ITPR2: variants seen among roughly 807,000 people sequenced by gnomAD.
ITPR2 encodes inositol 1,4,5-trisphosphate-gated calcium channel ITPR2.
ITPR2 carries 207 observed loss-of-function variants against 317.1 expected under a neutral mutation model. That is an observed-to-expected ratio of 0.65 (90% CI 0.58 to 0.73). The LOEUF (loss-of-function observed/expected upper bound fraction) is 0.73. Among genes scored for constraint, ITPR2 ranks in the 30% least tolerant of loss-of-function variants. ITPR2 has a pLI of 0.00. For missense variants in ITPR2, 2,613 were observed against 3,284.0 expected (o/e 0.80, Z 4.99); for synonymous variants, 1,156 against 1,149.1 (o/e 1.01, Z -0.12).
chr12:26,579,636 T>A (rs1357748837), intron 33 of ITPR2, among the ~76,000 whole-genome samples: 1 of 152,172 alleles, frequency 6.6e-6, no homozygotes, highest in Non-Finnish European at 1.5e-5. Context: ...ATTGATTAAA[T>A]TTTTAGTATT....
At chr12:26,761,565 GA>G (rs1171112635) in intron 2 of ITPR2, among the ~76,000 whole-genome samples, 4 of 152,232 alleles carry the variant, frequency 2.6e-5, no homozygotes, top group Admixed American at 2.6e-4. Context: ...AAGTGGAGGT[GA>G]GAGAATCGCT....
chr12:26,641,320 A>G (rs1471662), intron 21 of ITPR2, among the ~76,000 whole-genome samples: 127,912 of 152,078 alleles, frequency 0.84, 54,042 homozygotes, highest in East Asian at 0.97. Context: ...TATGTACTAC[A>G]TTGTGCTGAA....
intron 34 of ITPR2, among the ~76,000 whole-genome samples, chr12:26,573,839 G>A (rs1251709548): frequency 6.6e-6 from 1 of 152,188 alleles, no homozygotes; most frequent in Non-Finnish European, 1.5e-5. Context: ...ATGAGGAAGG[G>A]CTTTTGTAAG....
In ITPR2 at chr12:26,654,798, G is replaced by A. The variant is rs552088338; in HGVS notation, c.2590-672C>T. 5.3e-5 allele frequency among the ~76,000 whole-genome samples: 8 copies of A among 152,254 alleles called. No individual in the cohort carries two copies. The East Asian group carries it at 1.2e-3, about 22-fold the overall frequency. On this transcript the variant is annotated intron_variant, in intron 20 of 56. Coordinates refer to ENST00000381340, the MANE Select transcript of ITPR2 (RefSeq NM_002223.4). ...AAGGCCCACATGGCAGGAAGCTGAG[G>A]TGCCAACAGCCAGCAAGGAGGTGTG...
chr12:26,354,557 G>C (rs1169318235), intron 55 of ITPR2, among the ~76,000 whole-genome samples: 1 of 152,148 alleles, frequency 6.6e-6, no homozygotes, highest in East Asian at 1.9e-4. Flanking sequence ...ACTAGTCCCT[G>C]ACATTGCCAT....
At chr12:26,372,778 A>G (rs1174881694) in intron 55 of ITPR2, among the ~76,000 whole-genome samples, 9 of 152,182 alleles carry the variant, frequency 5.9e-5, no homozygotes, top group East Asian at 5.8e-4. Context: ...AGCATTTTCA[A>G]ACTGGGTTTA....
chr12:26,731,634 G>A (rs1338580088), intron 2 of ITPR2, among the ~76,000 whole-genome samples: 2 of 151,814 alleles, frequency 1.3e-5, no homozygotes, highest in Admixed American at 6.6e-5. Context: ...CTGTCTCTAC[G>A]AAAAAATTTT....
intron 2 of ITPR2, among the ~76,000 whole-genome samples, chr12:26,775,562 T>G (rs1949945270): frequency 6.6e-6 from 1 of 152,196 alleles, no homozygotes; most frequent in South Asian, 2.1e-4. Context: ...TGGTTAATAT[T>G]AAGTGTCAAC....
intron 45 of ITPR2, among the ~76,000 whole-genome samples, chr12:26,451,217 T>C (rs189141221): frequency 1.3e-4 from 20 of 152,172 alleles, no homozygotes; most frequent in Admixed American, 1.3e-3. Flanking sequence ...GGGGTGATCA[T>C]TCCAAAGAAT....
intron 37 of ITPR2, among the ~76,000 whole-genome samples, chr12:26,521,866 C>A (rs1034647543): frequency 2.6e-5 from 4 of 152,050 alleles, no homozygotes; most frequent in African/African-American, 7.2e-5. Context: ...ATGAGCTATC[C>A]CTACATCACT....
At position 26,515,461 on chromosome 12, in the gene ITPR2, G is replaced by A. The variant is rs543603732; in HGVS notation, c.5074-20201C>T. 9.2e-5 allele frequency among the ~76,000 whole-genome samples: 14 copies of A among 152,182 alleles called. No individual in the cohort carries two copies. In the East Asian group the frequency reaches 2.3e-3, roughly 25 times the overall value. The stretch of plus-strand genomic sequence containing the variant: ...TCCTTAAGGCCCACACTGACTTCCA[G>A]CATGTGCATGGCTAATGAATTTAGT... On this transcript the variant is annotated intron_variant, in intron 37 of 56. Transcript: ENST00000381340.
intron 28 of ITPR2, 33 bp from the exon 29 acceptor site, chr12:26,600,142 A>G (rs1449230152): frequency 2.5e-6 from 4 of 1,583,152 alleles, no homozygotes; most frequent in Admixed American, 3.4e-5. Context: ...TGATAGAAAC[A>G]AACATAGGAG....
intron 1 of ITPR2, among the ~76,000 whole-genome samples, chr12:26,802,174 C>T (rs975966725): frequency 6.6e-6 from 1 of 151,870 alleles, no homozygotes; most frequent in Non-Finnish European, 1.5e-5. Flanking sequence ...ATTGCATGCA[C>T]CTGTGGTCCC....
intron 1 of ITPR2, among the ~76,000 whole-genome samples, chr12:26,804,000 G>C (rs1950601406): frequency 6.6e-6 from 1 of 151,920 alleles, no homozygotes; most frequent in African/African-American, 2.4e-5. Context: ...CCCAAAATAT[G>C]TGCAACTATT....
chr12:26,429,522 A>C (rs1941150241), intron 48 of ITPR2, among the ~76,000 whole-genome samples: 1 of 152,136 alleles, frequency 6.6e-6, no homozygotes, highest in African/African-American at 2.4e-5. Context: ...GCTGACCACC[A>C]ACTGCCCTGA....
chr12:26,425,390 C>T (rs748297845), intron 49 of ITPR2, among the ~76,000 whole-genome samples: 65 of 151,906 alleles, frequency 4.3e-4, no homozygotes, highest in Admixed American at 3.3e-4. Context: ...TCTGAGCGGC[C>T]AGGCGCAGTG....
At chr12:26,439,022 C>G in intron 47 of ITPR2, 105 bp downstream of exon 47, 1 of 732,942 alleles carries the variant, frequency 1.4e-6, no homozygotes, top group Non-Finnish European at 2.3e-6. Context: ...ATCAGACCAG[C>G]AAGAAATTAA....
intron 9 of ITPR2, among the ~76,000 whole-genome samples, chr12:26,702,307 T>A (rs1410799128): frequency 6.7e-6 from 1 of 149,232 alleles, no homozygotes; most frequent in Non-Finnish European, 1.5e-5. Flanking sequence ...CTTCATGAGA[T>A]CAAAAATCTT....
At chr12:26,597,461 G>A (rs1945876127) in intron 30 of ITPR2, among the ~76,000 whole-genome samples, 1 of 151,488 alleles carries the variant, frequency 6.6e-6, no homozygotes, top group Admixed American at 6.6e-5. Context: ...CTTTTTTTTG[G>A]GAGACTCCAT....
Sources: gnomAD v4.1 joint callset for allele counts (sites outside exome capture counted in the v4.1 genomes callset) on GRCh38, gnomAD v4.1.1 for gene constraint, MANE v1.5 for transcripts, NCBI Gene and HGNC (gene_info 2026-07-23, HGNC 2026-07-21) for gene names.